POU2F3: variants seen among roughly 807,000 people sequenced by gnomAD.
POU2F3 encodes the protein POU domain, class 2, transcription factor 3.
In POU2F3, 23 loss-of-function variants were observed where a neutral mutation model predicts 59.2. The observed-to-expected ratio is 0.39, with a 90% CI of 0.28 to 0.55. The LOEUF is 0.55. POU2F3 is among the 20% of genes least tolerant of loss of function. The pLI, the probability that POU2F3 is intolerant of heterozygous loss-of-function variation, is 0.66. For missense variants in POU2F3, 473 were observed against 544.5 expected, an observed-to-expected ratio of 0.87 and a Z score of 1.31; for synonymous variants, 190 against 214.6, an observed-to-expected ratio of 0.89 and a Z score of 1.00.
At chr11:120,313,337 C>A (rs545324858) in intron 10 of POU2F3, among the ~76,000 whole-genome samples, 1 of 152,352 alleles carries the variant, frequency 6.6e-6, no homozygotes, top group East Asian at 1.9e-4. Flanking sequence ...GTAGAAAGCA[C>A]TGGGGGTGCA....
intron 1 of POU2F3, among the ~76,000 whole-genome samples, chr11:120,240,850 G>A (rs1938633860): frequency 6.6e-6 from 1 of 152,144 alleles, no homozygotes; most frequent in Non-Finnish European, 1.5e-5. Context: ...AGAAGTGGCT[G>A]AGGTGGGGCA....
chr11:120,274,005 G>A (rs1478652206), intron 3 of POU2F3, among the ~76,000 whole-genome samples: 3 of 139,712 alleles, frequency 2.1e-5, no homozygotes, highest in East Asian at 4.6e-4. Flanking sequence ...ATGACAAAGC[G>A]AGACTCTGTC....
At chr11:120,256,808 A>G (rs1436054858) in intron 2 of POU2F3, 1 of 152,238 alleles carries the variant, frequency 6.6e-6, no homozygotes, top group African/African-American at 2.4e-5. Flanking sequence ...CAGAAGATCT[A>G]AAAGTCTTTT....
chr11:120,282,870 C>T (rs1010019284), intron 3 of POU2F3, among the ~76,000 whole-genome samples: 5 of 152,210 alleles, frequency 3.3e-5, no homozygotes, highest in African/African-American at 1.2e-4. Flanking sequence ...TAGGCCATCA[C>T]TGTGGATGGT....
At chr11:120,316,695 G>A (rs568455294) in intron 11 of POU2F3, among the ~76,000 whole-genome samples, 1 of 152,276 alleles carries the variant, frequency 6.6e-6, no homozygotes, top group Admixed American at 6.5e-5. Context: ...CAAAAGTGTT[G>A]GGCTACAGGC....
chr11:120,298,343 A>G lies in POU2F3; in HGVS notation c.211A>G (p.Met71Val), dbSNP rs145496153. Residue 71 changes from methionine (M) to valine (V), a missense_variant, in exon 4 of 13, where the codon ATG (methionine) becomes GTG (valine). Transcript: ENST00000543440. ...ATGCCACCTGAGTCAAGGACCTGCC[A>G]TGATGTCCGGAAACCAAATGTCTGG... ...RPCHLSQGPA[M>V]MSGNQMSGLN... The G allele has an allele frequency of 3.1e-4, 503 of 1,613,886 alleles. 1 individual carries two copies. In the African/African-American group the frequency reaches 6.3e-3, roughly 20 times the overall value.
chr11:120,252,472 T>C (rs1462246062), intron 2 of POU2F3, among the ~76,000 whole-genome samples: 1 of 152,214 alleles, frequency 6.6e-6, no homozygotes, highest in Non-Finnish European at 1.5e-5. Context: ...CCTCCCAAAG[T>C]GCTGGGATTA....
chr11:120,241,000 G>A (rs570172570), intron 1 of POU2F3, among the ~76,000 whole-genome samples: 3 of 152,110 alleles, frequency 2.0e-5, no homozygotes, highest in Admixed American at 6.5e-5. Context: ...ATGCTTTGCC[G>A]GGAGTCAGGC....
Position 120,302,200 on chromosome 11 carries a change from G to T in POU2F3, c.362-86G>T, listed in dbSNP as rs1941366859. The T allele has an allele frequency of 4.2e-6, 5 of 1,195,430 alleles. No individual in the cohort carries two copies. The Admixed American group carries it at 9.7e-5, about 23-fold the overall frequency. The allele number at this position is 1,195,430 out of a possible 1,614,324, so 74.1% of individuals were successfully genotyped here. On this transcript the variant is annotated intron_variant, in intron 5 of 12. Coordinates refer to ENST00000543440, the MANE Select transcript of POU2F3 (RefSeq NM_014352.4). ...TCAGGTGGCAGGGGGTGGGGACAGT[G>T]ATCGTGGTGCCAAAGTTGTAGCACA...
intron 3 of POU2F3, among the ~76,000 whole-genome samples, chr11:120,271,580 G>A (rs1204158088): frequency 6.6e-6 from 1 of 152,254 alleles, no homozygotes; most frequent in African/African-American, 2.4e-5. Flanking sequence ...ACATGGCAAG[G>A]CCAGCCTTGC....
intron 3 of POU2F3, among the ~76,000 whole-genome samples, chr11:120,290,703 G>T (rs1175398955): frequency 6.6e-6 from 1 of 152,226 alleles, no homozygotes; most frequent in Non-Finnish European, 1.5e-5. Context: ...ATTTGAAAGT[G>T]TTTCTCATCT....
chr11:120,299,079 G>A (rs1462077705), intron 4 of POU2F3, among the ~76,000 whole-genome samples: 1 of 152,186 alleles, frequency 6.6e-6, no homozygotes, highest in Non-Finnish European at 1.5e-5. Context: ...TCCTGGGCTG[G>A]TAGGAGAAAT....
chr11:120,284,249 T>C (rs138698205), intron 3 of POU2F3, among the ~76,000 whole-genome samples: 1 of 152,212 alleles, frequency 6.6e-6, no homozygotes, highest in South Asian at 2.1e-4. Flanking sequence ...CCTCTCCACC[T>C]GCCTATCACC....
Position 120,285,883 on chromosome 11 carries a change from G to A in POU2F3, c.133-12382G>A, listed in dbSNP as rs1274487349. On this transcript the variant is annotated intron_variant, in intron 3 of 12. Coordinates refer to ENST00000543440, the MANE Select transcript of POU2F3 (RefSeq NM_014352.4). This position sits in a 1 kb window ranked among gnomAD's most constrained non-coding sequence, Gnocchi z 4.3. ...CCACATAATGTTCTATTGTTTGGGG[G>A]TTTTTCTGTTTTTTTCTGAGACGGA... Among the ~76,000 whole-genome samples the A allele has an allele frequency of 7.0e-6, 1 of 142,058 alleles. No individual in the cohort carries two copies. The highest frequency in any genetic ancestry group is 1.5e-5 in the Non-Finnish European group (1 of 65,438). The allele number at this position is 142,058 out of a possible 152,430, so 93.2% of individuals were successfully genotyped here.
chr11:120,268,528 C>G (rs1473544278), intron 2 of POU2F3, among the ~76,000 whole-genome samples: 2 of 151,956 alleles, frequency 1.3e-5, no homozygotes, highest in Non-Finnish European at 2.9e-5. Context: ...TTTTTAGTAG[C>G]AATGGGGTCT....
At chr11:120,244,782 A>G (rs1209143178) in intron 1 of POU2F3, among the ~76,000 whole-genome samples, 2 of 152,198 alleles carry the variant, frequency 1.3e-5, no homozygotes, top group Non-Finnish European at 2.9e-5. Context: ...CCGTTTCTCC[A>G]TTGGAACAGA....
intron 3 of POU2F3, among the ~76,000 whole-genome samples, chr11:120,270,813 C>T (rs1342370294): frequency 6.6e-6 from 1 of 152,174 alleles, no homozygotes; most frequent in Non-Finnish European, 1.5e-5. Flanking sequence ...CCACCTCAGC[C>T]TCCCAAGCAG....
rs143583784 is a variant in POU2F3 at position 120,317,028 on chromosome 11, G to A, written c.1136-201G>A. The A allele has an allele frequency of 1.1e-3, 657 of 618,370 alleles. No homozygotes were observed. The African/African-American group carries it at 0.011, about 10-fold the overall frequency. 38.3% of individuals were successfully genotyped at this position (618,370 alleles called of 1,614,324 possible). On this transcript the variant is annotated intron_variant, in intron 11 of 12. Transcript: ENST00000543440. ...CTCTCCAGGGCCTGGGCTGCAGAGA[G>A]CATTTGTGACGACAGCCCCTCTGGG...
At chr11:120,270,012 C>G (rs1050638817) in intron 3 of POU2F3, among the ~76,000 whole-genome samples, 1 of 151,838 alleles carries the variant, frequency 6.6e-6, no homozygotes, top group African/African-American at 2.4e-5. Flanking sequence ...TAAGCTGGAG[C>G]CAAGCAGGGA....
Sources: gnomAD v4.1 joint callset for allele counts (sites outside exome capture counted in the v4.1 genomes callset) on GRCh38, gnomAD v4.1.1 for gene constraint, Gnocchi (gnomAD v3.1) non-coding constraint, MANE v1.5 for transcripts, NCBI Gene and HGNC (gene_info 2026-07-23, HGNC 2026-07-21) for gene names.